EYS: variants seen among roughly 807,000 people sequenced by gnomAD.
EYS encodes protein eyes shut homolog.
A neutral mutation model predicts 282.1 loss-of-function variants in EYS; 250 were observed. The observed-to-expected ratio is 0.89, with a 90% CI of 0.80 to 0.98. The LOEUF is 0.98. Among genes scored for constraint, EYS ranks in the 50% least tolerant of loss-of-function variants. The pLI, the probability that EYS is intolerant of heterozygous loss-of-function variation, is 0.00. For synonymous variants in EYS, 1,355 were observed against 1,282.9 expected (o/e 1.06, Z -1.20); for missense variants, 4,016 against 3,709.0 (o/e 1.08, Z -2.15).
rs140880541 is a variant in EYS, at chr6:64,848,583, T to C, written c.2993-25761A>G. Among the ~76,000 whole-genome samples, 78 of 152,182 alleles carry C rather than the reference T, an allele frequency of 5.1e-4. 1 individual carries two copies. The highest frequency in any genetic ancestry group is 1.8e-3 in the African/African-American group (74 of 41,572). ...ACACAGGAGACAAAATTATGACATATAGTTTGTTTCCAATGAGAATGGGAG... is the reference window on the plus strand; with the variant it reads ...ACACAGGAGACAAAATTATGACATACAGTTTGTTTCCAATGAGAATGGGAG... On this transcript the variant is annotated intron_variant, in intron 19 of 42. Coordinates refer to ENST00000503581, the MANE Select transcript of EYS (RefSeq NM_001142800.2).
intron 15 of EYS, among the ~76,000 whole-genome samples, chr6:64,917,996 A>C (rs1226898533): frequency 1.3e-5 from 2 of 152,104 alleles, no homozygotes; most frequent in African/African-American, 4.8e-5. Context: ...AATTTTTTTT[A>C]ATGAGCTACC....
intron 2 of EYS, among the ~76,000 whole-genome samples, chr6:65,555,118 T>C (rs954342473): frequency 6.6e-6 from 1 of 152,132 alleles, no homozygotes; most frequent in African/African-American, 2.4e-5. Flanking sequence ...GGCTATAGAA[T>C]GTGATAGTTA....
rs139168079 is a variant in EYS, at chr6:63,790,443, G to A, written c.7412-1219C>T. 9.9e-4 allele frequency among the ~76,000 whole-genome samples: 151 copies of A among 152,298 alleles called. 1 individual carries two copies. The East Asian group carries it at 0.02, about 21-fold the overall frequency. The stretch of plus-strand genomic sequence containing the variant: ...GCCCTGAGCAGGGTTACTTTTGAAA[G>A]CTCTCTAGGTGAGTCTAATATATAC... On this transcript the variant is annotated intron_variant, in intron 37 of 42. Coordinates refer to ENST00000503581, the MANE Select transcript of EYS (RefSeq NM_001142800.2).
At chr6:64,294,248 G>A (rs1226769267) in intron 30 of EYS, among the ~76,000 whole-genome samples, 1 of 152,154 alleles carries the variant, frequency 6.6e-6, no homozygotes, top group Non-Finnish European at 1.5e-5. Context: ...CTCTGTCAAT[G>A]CTATGTTAAG....
At position 65,280,681 on chromosome 6, in the gene EYS, T is replaced by G. The variant is rs530073340; in HGVS notation, c.2023+15182A>C. On this transcript the variant is annotated intron_variant, in intron 12 of 42. Transcript: ENST00000503581. ...CATACTTGTAATGTAAAATTACAAT[T>G]TCCAGTGCTATTTTATGATATTAAT... Among the ~76,000 whole-genome samples the G allele has an allele frequency of 1.3e-3, 203 of 151,824 alleles. 1 individual carries two copies. The highest frequency in any genetic ancestry group is 2.1e-3 in the Non-Finnish European group (145 of 67,968).
chr6:65,181,063 G>A lies in EYS; in HGVS notation c.2023+114800C>T, dbSNP rs180865408. Among the ~76,000 whole-genome samples, 126 of 152,224 alleles carry A rather than the reference G, an allele frequency of 8.3e-4. 2 individuals carry two copies. The highest frequency in any genetic ancestry group is 2.8e-3 in the African/African-American group (116 of 41,532). ...CCTCATACAAAAATTAATTCAAGAT[G>A]TATTAGAGACTTAAATGTTAGACCT... On this transcript the variant is annotated intron_variant, in intron 12 of 42. Coordinates refer to ENST00000503581, the MANE Select transcript of EYS (RefSeq NM_001142800.2).
At chr6:65,011,455 G>T (rs900592708) in intron 13 of EYS, among the ~76,000 whole-genome samples, 9 of 152,150 alleles carry the variant, frequency 5.9e-5, no homozygotes, top group Non-Finnish European at 1.5e-5. Flanking sequence ...CATGACTAAG[G>T]TCTACCGCAG....
At chr6:65,207,370 A>G (rs550850333) in intron 12 of EYS, among the ~76,000 whole-genome samples, 1 of 151,648 alleles carries the variant, frequency 6.6e-6, no homozygotes, top group Admixed American at 6.6e-5. Flanking sequence ...TGAAAAAAAA[A>G]AATTGTAGAT....
chr6:64,902,903 A>G (rs1767711806), intron 16 of EYS, among the ~76,000 whole-genome samples: 1 of 152,176 alleles, frequency 6.6e-6, no homozygotes, highest in African/African-American at 2.4e-5. Flanking sequence ...CAGTTAGCAG[A>G]TGAAGCAAAT....
chr6:65,210,459 A>G (rs12212207), intron 12 of EYS, among the ~76,000 whole-genome samples: 6,467 of 152,114 alleles, frequency 0.043, 191 homozygotes, highest in Middle Eastern at 0.065. Context: ...ATTTTGGCCA[A>G]TGATGACGTT....
At chr6:65,627,491 G>T (rs1267013236) in intron 2 of EYS, among the ~76,000 whole-genome samples, 4 of 152,152 alleles carry the variant, frequency 2.6e-5, no homozygotes, top group Non-Finnish European at 5.9e-5. Context: ...GGCCAAGGCT[G>T]GAGCCCACTC....
intron 23 of EYS, among the ~76,000 whole-genome samples, chr6:64,620,033 G>A (rs1767395332): frequency 6.6e-6 from 1 of 152,104 alleles, no homozygotes. Flanking sequence ...AACAAGGATA[G>A]AAAATAAATT....
intron 22 of EYS, among the ~76,000 whole-genome samples, chr6:64,746,593 G>A: frequency 6.6e-6 from 1 of 152,130 alleles, no homozygotes; most frequent in East Asian, 1.9e-4. Context: ...AGTCATAGGA[G>A]AACATGAATA....
intron 35 of EYS, among the ~76,000 whole-genome samples, chr6:63,950,486 TC>T (rs1318809529): frequency 1.3e-5 from 2 of 152,106 alleles, no homozygotes; most frequent in South Asian, 4.2e-4. Flanking sequence ...CTATCTCCCT[TC>T]TCTGACTCTC....
chr6:65,385,789 T>C (rs892374290), intron 7 of EYS, among the ~76,000 whole-genome samples: 1 of 151,990 alleles, frequency 6.6e-6, no homozygotes, highest in Non-Finnish European at 1.5e-5. Flanking sequence ...TAGTAAGATA[T>C]ATGTACTTTA....
chr6:63,969,238 T>C (rs1013808932), intron 35 of EYS, among the ~76,000 whole-genome samples: 1 of 152,236 alleles, frequency 6.6e-6, no homozygotes, highest in Non-Finnish European at 1.5e-5. Context: ...AGGCTCTCTT[T>C]TGATGTGCTT....
chr6:65,667,202 G>C lies in EYS; in HGVS notation c.-447-27310C>G, dbSNP rs150736369. ...TATTCTATTTTTCCCACAGTAGCCA[G>C]AGCAATTTTTGTAAAACATGAAACT... On this transcript the variant is annotated intron_variant, in intron 1 of 42. Transcript: ENST00000503581. 2.6e-5 allele frequency among the ~76,000 whole-genome samples: 4 copies of C among 151,940 alleles called. No individual in the cohort carries two copies. The East Asian group carries it at 5.8e-4, about 22-fold the overall frequency.
At chr6:65,367,838 A>T (rs1303207758) in intron 8 of EYS, among the ~76,000 whole-genome samples, 1 of 151,748 alleles carries the variant, frequency 6.6e-6, no homozygotes, top group Non-Finnish European at 1.5e-5. Flanking sequence ...AGTACTTCTC[A>T]TTGGAAATTA....
intron 7 of EYS, among the ~76,000 whole-genome samples, chr6:65,388,722 C>T (rs745739537): frequency 2.0e-5 from 3 of 151,866 alleles, no homozygotes; most frequent in Non-Finnish European, 2.9e-5. Context: ...TATTAATGCA[C>T]GGGAACCCCC....
Sources: allele counts gnomAD v4.1 joint callset (sites outside exome capture counted in the v4.1 genomes callset), GRCh38; gene constraint gnomAD v4.1.1; transcripts MANE v1.5; gene names NCBI Gene and HGNC (gene_info 2026-07-23, HGNC 2026-07-21).